The following KIAA1217 variants were observed in gnomAD, a reference collection of about 807,000 sequenced individuals.
KIAA1217 encodes the protein KIAA1217.
A neutral mutation model predicts 163.9 loss-of-function variants in KIAA1217; 88 were observed. The ratio of observed to expected loss-of-function variants is 0.54; its 90% CI spans 0.45 to 0.64. The LOEUF (loss-of-function observed/expected upper bound fraction) is 0.64. Ranked by LOEUF, KIAA1217 falls within the 30% of genes least tolerant of loss-of-function variation. The pLI is 0.00. For synonymous variants in KIAA1217, 903 were observed against 923.1 expected, an observed-to-expected ratio of 0.98 and a Z score of 0.39; for missense variants, 2,372 against 2,475.0, an observed-to-expected ratio of 0.96 and a Z score of 0.88.
intron 1 of KIAA1217, among the ~76,000 whole-genome samples, chr10:23,914,553 G>A (rs1236636492): frequency 6.6e-6 from 1 of 152,062 alleles, no homozygotes; most frequent in Non-Finnish European, 1.5e-5. Context: ...GGCCTCAAGT[G>A]ATCCTCCCAC....
At chr10:24,381,148 A>G (rs2134817461) in intron 3 of KIAA1217, 81 bp downstream of exon 3, 1 of 1,019,660 alleles carries the variant, frequency 9.8e-7, no homozygotes. Context: ...ATACTCTTTC[A>G]TTCAACATTA....
chr10:23,716,155 T>C (rs1164490264), intron 1 of KIAA1217, among the ~76,000 whole-genome samples: 7 of 152,188 alleles, frequency 4.6e-5, no homozygotes, highest in African/African-American at 1.7e-4. Context: ...CATTAAAATA[T>C]ATGAACATAA....
intron 3 of KIAA1217, among the ~76,000 whole-genome samples, chr10:24,416,425 TTC>T (rs2058255519): frequency 6.6e-6 from 1 of 152,202 alleles, no homozygotes; most frequent in South Asian, 2.1e-4. Flanking sequence ...GCAGAGAAGG[TTC>T]TGTTCCTGGC....
At chr10:23,938,011 G>A (rs1292584924) in intron 1 of KIAA1217, among the ~76,000 whole-genome samples, 3 of 152,220 alleles carry the variant, frequency 2.0e-5, no homozygotes, top group African/African-American at 7.2e-5. Context: ...GAGTTCACAG[G>A]GCATGGTATT....
chr10:24,090,707 A>C (rs894298259), intron 2 of KIAA1217, among the ~76,000 whole-genome samples: 2 of 151,762 alleles, frequency 1.3e-5, no homozygotes, highest in Admixed American at 1.3e-4. Flanking sequence ...AATGAGTCAA[A>C]ATCAAGCAAC....
intron 1 of KIAA1217, among the ~76,000 whole-genome samples, chr10:23,984,826 C>A (rs1036688705): frequency 9.2e-5 from 14 of 151,812 alleles, no homozygotes; most frequent in African/African-American, 2.9e-4. Context: ...GGCTTAAAAC[C>A]GAGATGATGG....
intron 2 of KIAA1217, among the ~76,000 whole-genome samples, chr10:24,087,142 T>A (rs1263943141): frequency 6.6e-6 from 1 of 152,088 alleles, no homozygotes; most frequent in Non-Finnish European, 1.5e-5. Context: ...GGAGAAAAAA[T>A]TAGTGAGATT....
At chr10:23,881,666 A>C (rs1054504682) in intron 1 of KIAA1217, among the ~76,000 whole-genome samples, 1 of 151,952 alleles carries the variant, frequency 6.6e-6, no homozygotes, top group Non-Finnish European at 1.5e-5. Context: ...CGGAATTGCT[A>C]TTGGTGAGTG....
intron 2 of KIAA1217, among the ~76,000 whole-genome samples, chr10:24,114,331 A>G (rs1018995876): frequency 6.6e-6 from 1 of 152,106 alleles, no homozygotes; most frequent in Non-Finnish European, 1.5e-5. Flanking sequence ...CCTAAAACTT[A>G]AAGTATAATA....
In KIAA1217 at chr10:23,818,108, C is replaced by T. The variant is rs12250631; in HGVS notation, c.-321+122874C>T. 1.1e-3 allele frequency among the ~76,000 whole-genome samples: 147 copies of T among 128,098 alleles called. 11 individuals are homozygous for T. In the East Asian group the frequency reaches 0.025, roughly 21 times the overall value. 84.0% of individuals were successfully genotyped at this position (128,098 alleles called of 152,430 possible). On this transcript the variant is annotated intron_variant, in intron 1 of 18. Transcript: ENST00000376462. ...ATAGATATACATACACACACACACA[C>T]ACATATATATATATACTCACACACA...
chr10:24,542,175 G>C (rs1289860756), intron 17 of KIAA1217, among the ~76,000 whole-genome samples: 6 of 152,214 alleles, frequency 3.9e-5, no homozygotes. Flanking sequence ...AGGGAGGACT[G>C]AAATAATGAG....
At chr10:23,985,551 C>T (rs949973110) in intron 1 of KIAA1217, among the ~76,000 whole-genome samples, 5 of 152,164 alleles carry the variant, frequency 3.3e-5, no homozygotes, top group African/African-American at 4.8e-5. Context: ...ATAATGGTTT[C>T]CTTAGTTCCT....
At chr10:23,742,477 C>A (rs962132385) in intron 1 of KIAA1217, among the ~76,000 whole-genome samples, 3 of 152,142 alleles carry the variant, frequency 2.0e-5, no homozygotes, top group African/African-American at 7.2e-5. Context: ...TGCTTGCATC[C>A]GCTCAGCTTC....
In KIAA1217 at chr10:24,286,471, CAT is replaced by C. The variant is rs368487319; in HGVS notation, c.354+66564_354+66565del. On this transcript the variant is annotated intron_variant, in intron 2 of 20. Coordinates refer to ENST00000376454, the MANE Select transcript of KIAA1217 (RefSeq NM_019590.5). ...ATATATATATACACACACACACACA[CAT>C]ACACATACACACACACATACACACA... 1.7e-4 allele frequency among the ~76,000 whole-genome samples: 25 copies of C among 151,390 alleles called. 1 individual carries two copies. Among genetic ancestry groups the C allele is most frequent in the Admixed American group, 9.9e-4 (15 of 15,180 alleles).
At chr10:24,202,871 G>C (rs2067338709) in intron 2 of KIAA1217, among the ~76,000 whole-genome samples, 1 of 152,130 alleles carries the variant, frequency 6.6e-6, no homozygotes, top group South Asian at 2.1e-4. Flanking sequence ...CAATTCTATA[G>C]TTGAAAGAAG....
chr10:24,155,861 G>A, intron 2 of KIAA1217, among the ~76,000 whole-genome samples: 1 of 151,968 alleles, frequency 6.6e-6, no homozygotes, highest in South Asian at 2.1e-4. Flanking sequence ...ACTGTCTCTG[G>A]GGATCATTTG....
At chr10:23,709,777 C>T (rs191782261) in intron 1 of KIAA1217, among the ~76,000 whole-genome samples, 14 of 152,178 alleles carry the variant, frequency 9.2e-5, no homozygotes, top group Admixed American at 7.2e-4. Context: ...CTGTTTAACT[C>T]GGAGATACAA....
At chr10:24,044,055 A>G (rs748661834) in intron 2 of KIAA1217, among the ~76,000 whole-genome samples, 2 of 152,170 alleles carry the variant, frequency 1.3e-5, no homozygotes, top group Non-Finnish European at 2.9e-5. Flanking sequence ...CTGAGAGGAA[A>G]AGGAAGTATT....
At chr10:24,500,721 G>T (rs959669023) in intron 8 of KIAA1217, among the ~76,000 whole-genome samples, 4 of 152,080 alleles carry the variant, frequency 2.6e-5, no homozygotes, top group African/African-American at 9.7e-5. Context: ...TCTATATTAG[G>T]TCTCAGAATT....
Sources: gnomAD v4.1 joint callset for allele counts (sites outside exome capture counted in the v4.1 genomes callset) on GRCh38, gnomAD v4.1.1 for gene constraint, MANE v1.5 for transcripts, NCBI Gene and HGNC (gene_info 2026-07-23, HGNC 2026-07-21) for gene names.